ADAMTSL1: variants seen among roughly 807,000 people sequenced by gnomAD.
ADAMTSL1 encodes ADAMTS like 1.
A neutral mutation model predicts 201.8 loss-of-function variants in ADAMTSL1; 126 were observed. That is an observed-to-expected ratio of 0.62 (90% CI 0.54 to 0.72). The LOEUF (loss-of-function observed/expected upper bound fraction) is 0.72, where lower values mean the gene tolerates loss of function less well. ADAMTSL1 is among the 30% of genes least tolerant of loss of function. The pLI is 0.00. For missense variants in ADAMTSL1, 2,679 were observed against 2,277.8 expected (o/e 1.18, Z -3.59); for synonymous variants, 1,121 against 903.4 (o/e 1.24, Z -4.32).
At chr9:18,642,756 G>A (rs776749) in intron 7 of ADAMTSL1, among the ~76,000 whole-genome samples, 95,675 of 151,704 alleles carry the variant, frequency 0.63, 30,556 homozygotes, top group East Asian at 0.79. Flanking sequence ...TCACAATGAC[G>A]GGATTTTCTT....
intron 1 of ADAMTSL1, among the ~76,000 whole-genome samples, chr9:17,960,805 T>C (rs926625883): frequency 1.3e-5 from 2 of 152,190 alleles, no homozygotes; most frequent in African/African-American, 4.8e-5. Flanking sequence ...CCCAGAGCCT[T>C]CCTTTCCATT....
At chr9:18,132,578 C>G (rs1379778257) in intron 1 of ADAMTSL1, among the ~76,000 whole-genome samples, 1 of 152,212 alleles carries the variant, frequency 6.6e-6, no homozygotes, top group Non-Finnish European at 1.5e-5. Flanking sequence ...TGTGTACTCA[C>G]CAGCTCTTCA....
chr9:18,047,210 A>G (rs554341546), intron 1 of ADAMTSL1, among the ~76,000 whole-genome samples: 1 of 152,332 alleles, frequency 6.6e-6, no homozygotes, highest in Non-Finnish European at 1.5e-5. Context: ...TAGGTATAAA[A>G]TTAGTAACTA....
At chr9:18,870,102 C>T (rs1588276182) in intron 23 of ADAMTSL1, among the ~76,000 whole-genome samples, 1 of 152,124 alleles carries the variant, frequency 6.6e-6, no homozygotes, top group African/African-American at 2.4e-5. Flanking sequence ...TACTTGTCTA[C>T]TGATACATGC....
At chr9:18,303,685 G>C (rs1420691529) in intron 2 of ADAMTSL1, among the ~76,000 whole-genome samples, 4 of 152,164 alleles carry the variant, frequency 2.6e-5, no homozygotes, top group Non-Finnish European at 4.4e-5. Context: ...GGCAGGGATG[G>C]GGGTATGAAA....
chr9:18,093,090 T>G (rs532460475), intron 1 of ADAMTSL1, among the ~76,000 whole-genome samples: 2 of 152,302 alleles, frequency 1.3e-5, no homozygotes, highest in East Asian at 1.9e-4. Context: ...TAATGGTCAT[T>G]CATAGTGGAA....
intron 1 of ADAMTSL1, among the ~76,000 whole-genome samples, chr9:18,134,334 C>A (rs1377737123): frequency 2.0e-5 from 3 of 152,166 alleles, no homozygotes; most frequent in South Asian, 2.1e-4. Context: ...CCATTGGTAC[C>A]ACTTGATTAT....
At chr9:18,703,207 C>T (rs1010529) in intron 13 of ADAMTSL1, among the ~76,000 whole-genome samples, 11,003 of 152,162 alleles carry the variant, frequency 0.072, 1,018 homozygotes, top group African/African-American at 0.21. Flanking sequence ...AAGTGCTGTT[C>T]GAGATGAGAC....
chr9:18,031,579 C>T (rs1344237724), intron 1 of ADAMTSL1, among the ~76,000 whole-genome samples: 4 of 152,112 alleles, frequency 2.6e-5, no homozygotes, highest in African/African-American at 9.7e-5. Context: ...TCTTTTATAT[C>T]TTGATGCATA....
At chr9:18,813,981 T>C (rs576914770) in intron 20 of ADAMTSL1, among the ~76,000 whole-genome samples, 1 of 152,316 alleles carries the variant, frequency 6.6e-6, no homozygotes, top group Admixed American at 6.5e-5. Context: ...CCTGAAGCCT[T>C]CTCAACCTAA....
chr9:18,340,984 A>T (rs889563824), intron 2 of ADAMTSL1, among the ~76,000 whole-genome samples: 3 of 152,110 alleles, frequency 2.0e-5, no homozygotes, highest in Admixed American at 6.6e-5. Flanking sequence ...AGCCTAGACC[A>T]TTAGCCTAGA....
chr9:18,099,351 ATATATTTTTT>A (rs1240100959), intron 1 of ADAMTSL1, among the ~76,000 whole-genome samples: 40 of 52,624 alleles, frequency 7.6e-4, no homozygotes, highest in Admixed American at 3.9e-3. Context: ...ATATATATAT[ATATATTTTTT>A]TTTTTTTTTT....
rs111706089 is a variant in ADAMTSL1 at position 18,144,980 on chromosome 9, T to C, written c.88-18882T>C. The stretch of plus-strand genomic sequence containing the variant: ...GCTGCCTCATAAAGATGCAAATGCA[T>C]AGATAATAGAAGTGTCCAAACAGAG... On this transcript the variant is annotated intron_variant, in intron 1 of 29. Transcript: ENST00000680146. Among the ~76,000 whole-genome samples the C allele has an allele frequency of 2.3e-3, 345 of 152,274 alleles. 3 individuals are homozygous for C. The highest frequency in any genetic ancestry group is 7.6e-3 in the African/African-American group (316 of 41,580).
intron 1 of ADAMTSL1, among the ~76,000 whole-genome samples, chr9:18,040,891 G>A (rs181910542): frequency 7.6e-4 from 115 of 152,154 alleles, no homozygotes; most frequent in Non-Finnish European, 1.3e-3. Flanking sequence ...TATTTGTTCC[G>A]TTGTTAACAA....
intron 2 of ADAMTSL1, among the ~76,000 whole-genome samples, chr9:18,439,487 C>A (rs1267162646): frequency 1.3e-5 from 2 of 152,166 alleles, no homozygotes; most frequent in African/African-American, 4.8e-5. Flanking sequence ...CTGCCTCAGC[C>A]TCCCGAGTAG....
chr9:18,571,867 T>C (rs1822323828), intron 3 of ADAMTSL1, among the ~76,000 whole-genome samples: 1 of 152,168 alleles, frequency 6.6e-6, no homozygotes. Context: ...CTCTAGAACA[T>C]ATGGTCTGAA....
intron 1 of ADAMTSL1, among the ~76,000 whole-genome samples, chr9:18,128,742 T>TC (rs1825837215): frequency 6.6e-6 from 1 of 151,814 alleles, no homozygotes; most frequent in Non-Finnish European, 1.5e-5. Flanking sequence ...CCCCTTTTTT[T>TC]CAATTCCCAT....
intron 7 of ADAMTSL1, among the ~76,000 whole-genome samples, chr9:18,652,984 G>C (rs1828390714): frequency 6.6e-6 from 1 of 152,230 alleles, no homozygotes; most frequent in African/African-American, 2.4e-5. Flanking sequence ...CTGTAGGAAA[G>C]AGAAGAAGTG....
At chr9:18,794,722 C>T (rs1025543388) in intron 19 of ADAMTSL1, among the ~76,000 whole-genome samples, 2 of 151,950 alleles carry the variant, frequency 1.3e-5, no homozygotes, top group Non-Finnish European at 2.9e-5. Context: ...CAACCTCTGC[C>T]CCCCACGTTC....
Sources: allele counts gnomAD v4.1 joint callset (sites outside exome capture counted in the v4.1 genomes callset), GRCh38; gene constraint gnomAD v4.1.1; transcripts MANE v1.5; gene names NCBI Gene and HGNC (gene_info 2026-07-23, HGNC 2026-07-21).